Variants in TROAP observed in about 807,000 individuals in gnomAD.
TROAP encodes the protein trophinin associated protein, also known as tastin.
In TROAP, 62 loss-of-function variants were observed where a neutral mutation model predicts 83.4. The observed-to-expected ratio is 0.74, with a 90% confidence interval of 0.61 to 0.92. The LOEUF (loss-of-function observed/expected upper bound fraction) is 0.92, where lower values mean the gene tolerates loss of function less well. Among genes scored for constraint, TROAP ranks in the 40% least tolerant of loss-of-function variants. TROAP has a pLI of 0.00. For synonymous variants in TROAP, 352 were observed against 386.4 expected (o/e 0.91, Z 1.04); for missense variants, 876 against 985.1 (o/e 0.89, Z 1.48).
At chr12:49,331,099 A>C in intron 13 of TROAP, 115 bp from the exon 14 acceptor site, 1 of 1,540,430 alleles carries the variant, frequency 6.5e-7, no homozygotes, top group East Asian at 2.3e-5. Flanking sequence ...GAGGGGCTGC[A>C]CTTCCAGCCC....
intron 3 of TROAP, among the ~76,000 whole-genome samples, chr12:49,324,909 C>CTTTTT (rs891098022): frequency 1.3e-4 from 15 of 112,538 alleles, no homozygotes; most frequent in Non-Finnish European, 1.6e-4. Context: ...TGTTTTCTTT[C>CTTTTT]TTTTTTTTTT....
chr12:49,328,986 C>T lies in TROAP; in HGVS notation c.951C>T (p.Gly317=). Residue 317 remains glycine (G), a synonymous_variant, in exon 9 of 15, where the codon GGC becomes GGT. Transcript: ENST00000257909. ...CCCCTGTGGCCCAGCCCTTGCCTGG[C>T]CATGTGGTGCCATGTCCATCACCCT... ...SPAPVAQPLP[G]HVVPCPSPFG... The T allele has an allele frequency of 6.2e-7, 1 of 1,609,578 alleles. No homozygotes were observed. The highest frequency in any genetic ancestry group is 8.5e-7 in the Non-Finnish European group (1 of 1,177,070).
rs1943568533 is a variant in TROAP, at chr12:49,330,763, G to C, written c.1918G>C (p.Glu640Gln). The change falls in exon 13 of 15, where the codon GAG becomes CAG. Residue 640 changes from glutamate (E) to glutamine (Q), a missense_variant. By Grantham distance (29) the Glu-to-Gln change is conservative. Around this residue, in one of 3 missense-constraint regions of TROAP, gnomAD observed 184 missense variants for 238.3 expected, o/e 0.77. Coordinates refer to ENST00000257909, the MANE Select transcript of TROAP (RefSeq NM_005480.4). Reference sequence around the variant, plus strand: ...ACCCCCAGGGCCCTGCCCTAGGGTAGAGCTGGGGGCATCAGAGCCCTGCAC... The same window carrying C: ...ACCCCCAGGGCCCTGCCCTAGGGTACAGCTGGGGGCATCAGAGCCCTGCAC... ...SGPPGPCPRV[E>Q]LGASEPCTLE... is the part of the protein sequence containing the mutation. The C allele has an allele frequency of 3.7e-6, 6 of 1,614,042 alleles. No homozygotes were observed. Among genetic ancestry groups the C allele is most frequent in the South Asian group, 1.1e-5 (1 of 91,078 alleles).
Position 49,323,680 on chromosome 12 carries a change from A to T in TROAP, c.72A>T (p.Val24=). Residue 24 remains valine, a synonymous_variant, in exon 2 of 15, where the codon GTA becomes GTT. Coordinates refer to ENST00000257909, the MANE Select transcript of TROAP (RefSeq NM_005480.4). The part of the protein sequence containing the change: ...GVSPTPSKIP[V]RSQKRTPFPT... ...CTCCTACCCCTAGCAAGATTCCGGT[A>T]CGCTCTCAGAAACGCACGCCTTTCC... 1.2e-6 allele frequency: 2 copies of T among 1,614,156 alleles called. No homozygotes were observed. The highest frequency in any genetic ancestry group is 2.2e-5 in the South Asian group (2 of 91,078).
chr12:49,326,537 T>G, intron 6 of TROAP, 131 bp from the exon 7 acceptor site: 6 of 1,093,872 alleles, frequency 5.5e-6, no homozygotes, highest in Non-Finnish European at 7.8e-6. Flanking sequence ...CTTTGTCAAG[T>G]GAGAATAACA....
In TROAP at chr12:49,329,173, G is replaced by A. The variant is rs1943543239; in HGVS notation, c.1033G>A (p.Val345Met). The change falls in exon 10 of 15, where the codon GTG becomes ATG. Residue 345 changes from valine to methionine, a missense_variant. Physicochemically the swap from Val to Met is conservative, Grantham distance 21 (BLOSUM62 1). Transcript: ENST00000257909. This position sits in a 1 kb window ranked among gnomAD's most constrained non-coding sequence, Gnocchi z 4.5. ...CATCTCTCCCCAGACCTCATATTCAGTGTTGCGGCGTCTCACCGTTCAACC... is the reference window on the plus strand; with the variant it reads ...CATCTCTCCCCAGACCTCATATTCAATGTTGCGGCGTCTCACCGTTCAACC... ...PGPPTLTSYS[V>M]LRRLTVQPKT... 6.2e-7 allele frequency: 1 copy of A among 1,614,082 alleles called. No individual in the cohort carries two copies. The highest frequency in any genetic ancestry group is 8.5e-7 in the Non-Finnish European group (1 of 1,180,028).
Position 49,324,038 on chromosome 12 carries a change from G to A in TROAP, c.337+1G>A, listed in dbSNP as rs1345046397. 4.3e-6 allele frequency: 7 copies of A among 1,612,602 alleles called. No individual in the cohort carries two copies. Among genetic ancestry groups the A allele is most frequent in the Non-Finnish European group, 5.9e-6 (7 of 1,179,138 alleles). On this transcript the variant is annotated splice_donor_variant, in intron 3 of 14. Transcript: ENST00000257909. LOFTEE classifies it high-confidence loss of function. ...GGGCCTGGGCCCCCTGCCCAGACAG[G>A]TACCTGTTGGAGCCATGGTAACACG...
rs1203763421 is a variant in TROAP, at chr12:49,330,817, C to T, written c.1972C>T (p.Leu658=). ...TLEHRSLESS[L]PPCCSQWAPA... ...GGAACATAGAAGTCTAGAGTCCAGTCTACCACCCTGCTGCAGTCAGTGGGC... is the reference window on the plus strand; with the variant it reads ...GGAACATAGAAGTCTAGAGTCCAGTTTACCACCCTGCTGCAGTCAGTGGGC... The change falls in exon 13 of 15, where the codon CTA becomes TTA. Residue 658 remains leucine, a synonymous_variant. Transcript: ENST00000257909. The T allele has an allele frequency of 1.2e-6, 2 of 1,613,830 alleles. No homozygotes were observed. The highest frequency in any genetic ancestry group is 2.2e-5 in the South Asian group (2 of 91,086).
At position 49,327,345 on chromosome 12, in the gene TROAP, T is replaced by C. The variant is rs1306591153; in HGVS notation, c.891+15T>C. On this transcript the variant is annotated intron_variant, in intron 8 of 14. Transcript: ENST00000257909. ...CACATACCAGGGTGAGATGCGACTC[T>C]CCTGGGATGGTGGGTGGGAGGTGCA... is the stretch of plus-strand genomic sequence containing the variant. The C allele has an allele frequency of 7.4e-6, 12 of 1,611,880 alleles. No homozygotes were observed. Among genetic ancestry groups the C allele is most frequent in the Non-Finnish European group, 1.0e-5 (12 of 1,178,474 alleles).
At position 49,326,714 on chromosome 12, in the gene TROAP, C is replaced by A; in HGVS notation, c.763C>A (p.Gln255Lys). Residue 255 changes from glutamine to lysine, a missense_variant, in exon 7 of 15, where the codon CAG becomes AAG. By Grantham distance (53) the Gln-to-Lys change is moderately conservative. This residue lies in a region of TROAP where 689 missense variants were observed against 722.6 expected (regional missense o/e 0.95). Transcript: ENST00000257909. ...AGGATTGCTCCTGGAGACCCCAGTC[C>A]AGCCTGGTAAGTGTTTCTGGCGTGG... ...ASGLLLETPV[Q>K]PAFSLPKGER... 1 of 1,562,182 alleles carries A rather than the reference C, an allele frequency of 6.4e-7. No individual in the cohort carries two copies. The highest frequency in any genetic ancestry group is 1.9e-5 in the Admixed American group (1 of 52,956).
At position 49,331,229 on chromosome 12, in the gene TROAP, C is replaced by T. The variant is rs146829857; in HGVS notation, c.2114C>T (p.Ala705Val). Reference sequence around the variant, plus strand: ...TGCCCCTCAGGCCTCAGCAATCTGGCCCCTCGAACCCTAGCCCTGAGGGAG... The same window carrying T: ...TGCCCCTCAGGCCTCAGCAATCTGGTCCCTCGAACCCTAGCCCTGAGGGAG... ...PAGQAGLSNL[A>V]PRTLALRERL... Residue 705 changes from alanine to valine, a missense_variant, in exon 14 of 15, where the codon GCC (alanine) becomes GTC (valine). Physicochemically the swap from Ala to Val is moderately conservative, Grantham distance 64. Around this residue, in one of 3 missense-constraint regions of TROAP, gnomAD observed 184 missense variants for 238.3 expected, o/e 0.77. Coordinates refer to ENST00000257909, the MANE Select transcript of TROAP (RefSeq NM_005480.4). 77 of 1,614,194 alleles carry T rather than the reference C, an allele frequency of 4.8e-5. No individual in the cohort carries two copies. The African/African-American group carries it at 9.6e-4, about 20-fold the overall frequency.
At chr12:49,327,039 G>A (rs117007728) in intron 7 of TROAP, among the ~76,000 whole-genome samples, 170 bp from the exon 8 acceptor site, 2,132 of 152,276 alleles carry the variant, frequency 0.014, 26 homozygotes, top group Non-Finnish European at 0.021. Flanking sequence ...AGATTAATAA[G>A]TGTTTACTGA....
At position 49,330,165 on chromosome 12, in the gene TROAP, G is replaced by A; in HGVS notation, c.1320G>A (p.Gln440=). The change falls in exon 13 of 15, where the codon CAG becomes CAA. Residue 440 remains glutamine, a synonymous_variant. Coordinates refer to ENST00000257909, the MANE Select transcript of TROAP (RefSeq NM_005480.4). Reference sequence around the variant, plus strand: ...CACAGCGCATCGGTATCCTGCAACAGCTGTTGAGACAGGAAGTAGAGGGGC... The same window carrying A: ...CACAGCGCATCGGTATCCTGCAACAACTGTTGAGACAGGAAGTAGAGGGGC... ...VKIQRIGILQ[Q]LLRQEVEGLV... is the part of the protein sequence containing the mutation. 6.2e-7 allele frequency: 1 copy of A among 1,613,954 alleles called. No individual in the cohort carries two copies. The highest frequency in any genetic ancestry group is 2.2e-5 in the East Asian group (1 of 44,890).
At chr12:49,331,520 T>G in intron 14 of TROAP, 53 bp from the exon 15 acceptor site, 1 of 1,614,086 alleles carries the variant, frequency 6.2e-7, no homozygotes, top group Non-Finnish European at 8.5e-7. Context: ...GCAGGAAGGC[T>G]TGGCTACAGT....
Position 49,330,544 on chromosome 12 carries a change from C to A in TROAP, c.1699C>A (p.Pro567Thr). Residue 567 changes from proline (P) to threonine (T), a missense_variant, in exon 13 of 15, where the codon CCG (proline) becomes ACG (threonine). Physicochemically the swap from Pro to Thr is conservative, Grantham distance 38 (BLOSUM62 -1). Coordinates refer to ENST00000257909, the MANE Select transcript of TROAP (RefSeq NM_005480.4). ...ESCCRSEPEI[P>T]ESSRQEQLEV... is the part of the protein sequence containing the mutation. ...CTGCTGTAGGAGTGAGCCTGAGATA[C>A]CGGAGTCCTCTCGCCAGGAACAGCT... is the stretch of plus-strand genomic sequence containing the variant. The A allele has an allele frequency of 6.2e-7, 1 of 1,613,608 alleles. No individual in the cohort carries two copies. Among genetic ancestry groups the A allele is most frequent in the Non-Finnish European group, 8.5e-7 (1 of 1,179,716 alleles).
chr12:49,325,022 A>T (rs540301785), intron 3 of TROAP, among the ~76,000 whole-genome samples: 5 of 148,250 alleles, frequency 3.4e-5, no homozygotes, highest in African/African-American at 1.2e-4. Flanking sequence ...GTGATTCTCC[A>T]GCCTCAGCCT....
Position 49,327,328 on chromosome 12 carries a change from A to G in TROAP, c.889A>G (p.Arg297Gly), listed in dbSNP as rs1475336856. 1 of 1,613,812 alleles carries G rather than the reference A, an allele frequency of 6.2e-7. No homozygotes were observed. The highest frequency in any genetic ancestry group is 1.1e-5 in the South Asian group (1 of 91,048). ...LRENREMSHT[R>G]DSHDSHLMPS... is the part of the protein sequence containing the mutation. The stretch of plus-strand genomic sequence containing the variant: ...AGAAAACCGAGAAATGTCACATACC[A>G]GGGTGAGATGCGACTCTCCTGGGAT... Residue 297 changes from arginine (R) to glycine (G), a missense_variant and splice_region_variant, in exon 8 of 15, where the codon AGG becomes GGG. By Grantham distance (125) the Arg-to-Gly change is moderately radical. Coordinates refer to ENST00000257909, the MANE Select transcript of TROAP (RefSeq NM_005480.4).
chr12:49,329,413 G>T lies in TROAP; in HGVS notation c.1123G>T (p.Val375Phe), dbSNP rs748113634. 1.9e-6 allele frequency: 3 copies of T among 1,612,748 alleles called. No homozygotes were observed. The highest frequency in any genetic ancestry group is 2.5e-6 in the Non-Finnish European group (3 of 1,179,152). The change falls in exon 11 of 15, where the codon GTC becomes TTC. Residue 375 changes from valine to phenylalanine, a missense_variant. Coordinates refer to ENST00000257909, the MANE Select transcript of TROAP (RefSeq NM_005480.4). The surrounding 1 kb of genome is among the most constrained non-coding windows in gnomAD (Gnocchi z 4.5). ...GTGCCAGGCCCAGTGGCTGCGTGGT[G>T]TCTCCCCTCAGTCCTGCTCTGAAGA... ...RVQQAQWLRG[V>F]SPQSCSEDPA... is the part of the protein sequence containing the mutation.
rs923679278 is a variant in TROAP, at chr12:49,326,158, G to A, written c.716G>A (p.Arg239Gln). 10 of 1,613,798 alleles carry A rather than the reference G, an allele frequency of 6.2e-6. No homozygotes were observed. The highest frequency in any genetic ancestry group is 1.1e-5 in the South Asian group (1 of 91,062). Residue 239 changes from arginine to glutamine, a missense_variant and splice_region_variant, in exon 6 of 15, where the codon CGG (arginine) becomes CAG (glutamine). Coordinates refer to ENST00000257909, the MANE Select transcript of TROAP (RefSeq NM_005480.4). ...ELRRETAGSS[R>Q]TSVSQASGLL... ...AGAAGGGAGACAGCTGGCAGCAGCCGGTGAGAAAGGAGAGGGTGTGGGAGA... is the reference window on the plus strand; with the variant it reads ...AGAAGGGAGACAGCTGGCAGCAGCCAGTGAGAAAGGAGAGGGTGTGGGAGA...
Sources: gnomAD v4.1 joint callset for allele counts (sites outside exome capture counted in the v4.1 genomes callset) on GRCh38, gnomAD v4.1.1 for gene constraint, gnomAD v4.1.1 regional missense constraint, Gnocchi (gnomAD v3.1) non-coding constraint, MANE v1.5 for transcripts, NCBI Gene and HGNC (gene_info 2026-07-23, HGNC 2026-07-21) for gene names.